The following TMEM117 variants were observed in gnomAD, a reference collection of about 807,000 sequenced individuals.
TMEM117 encodes transmembrane protein 117.
Under a neutral mutation model 52.4 loss-of-function variants are expected in TMEM117, and 27 were observed. That is an observed-to-expected ratio of 0.51 (90% confidence interval 0.38 to 0.71). The LOEUF is 0.71. Ranked by LOEUF, TMEM117 falls within the 30% of genes least tolerant of loss-of-function variation. The pLI is 0.00. For missense variants in TMEM117, 556 were observed against 630.5 expected, an observed-to-expected ratio of 0.88 and a Z score of 1.26; for synonymous variants, 215 against 206.3, an observed-to-expected ratio of 1.04 and a Z score of -0.36.
intron 3 of TMEM117, among the ~76,000 whole-genome samples, chr12:44,023,273 C>T (rs900185586): frequency 4.8e-4 from 73 of 152,240 alleles, no homozygotes; most frequent in Non-Finnish European, 7.9e-4. Context: ...TGAATAGTGC[C>T]GCAATAAACA....
chr12:44,173,428 T>C (rs998133281), intron 4 of TMEM117, among the ~76,000 whole-genome samples: 2 of 152,064 alleles, frequency 1.3e-5, no homozygotes, highest in Non-Finnish European at 2.9e-5. Flanking sequence ...ACTGAGGATA[T>C]AAAGTAAAAT....
downstream of TMEM117, among the ~76,000 whole-genome samples, chr12:44,394,100 AC>A (rs1383989795): frequency 6.6e-6 from 1 of 152,178 alleles, no homozygotes; most frequent in Non-Finnish European, 1.5e-5. Context: ...GGCTCTAGAG[AC>A]AACCATATTT....
chr12:44,311,835 A>G (rs1289648176), intron 6 of TMEM117, among the ~76,000 whole-genome samples: 1 of 122,226 alleles, frequency 8.2e-6, no homozygotes, highest in Non-Finnish European at 1.6e-5. Context: ...ATATATGTAT[A>G]TATGTATATA....
In TMEM117 at chr12:43,970,137, C is replaced by G. The variant is rs541404159; in HGVS notation, c.410+25795C>G. Among the ~76,000 whole-genome samples, 4 of 152,232 alleles carry G rather than the reference C, an allele frequency of 2.6e-5. No homozygotes were observed. The South Asian group carries it at 6.2e-4, about 24-fold the overall frequency. On this transcript the variant is annotated intron_variant, in intron 3 of 7. Coordinates refer to ENST00000266534, the MANE Select transcript of TMEM117 (RefSeq NM_032256.3). Reference sequence around the variant, plus strand: ...CATTGGATATGCAGGAGGCAGGTCTCGGTTATCACCGTCTTGGTTATCAGA... The same window carrying G: ...CATTGGATATGCAGGAGGCAGGTCTGGGTTATCACCGTCTTGGTTATCAGA...
At chr12:44,319,218 A>G (rs1487510034) in intron 6 of TMEM117, among the ~76,000 whole-genome samples, 4 of 152,210 alleles carry the variant, frequency 2.6e-5, no homozygotes, top group African/African-American at 9.6e-5. Flanking sequence ...CTGACTTTGT[A>G]TGCACCTGGA....
intron 5 of TMEM117, among the ~76,000 whole-genome samples, chr12:44,252,526 A>G (rs1950208075): frequency 6.6e-6 from 1 of 152,090 alleles, no homozygotes; most frequent in African/African-American, 2.4e-5. Context: ...ACAAACAAAC[A>G]AAAAACAAAA....
intron 3 of TMEM117, among the ~76,000 whole-genome samples, chr12:44,121,824 C>A (rs138365804): frequency 6.6e-6 from 1 of 151,880 alleles, no homozygotes; most frequent in Non-Finnish European, 1.5e-5. Flanking sequence ...GCATAGTACC[C>A]GATAGTAATT....
At chr12:44,106,609 T>G (rs747441962) in intron 3 of TMEM117, among the ~76,000 whole-genome samples, 15 of 152,040 alleles carry the variant, frequency 9.9e-5, no homozygotes, top group Admixed American at 3.3e-4. Context: ...TGTATACATA[T>G]AACATCACTT....
At chr12:44,174,608 T>C (rs1949093517) in intron 4 of TMEM117, among the ~76,000 whole-genome samples, 1 of 152,244 alleles carries the variant, frequency 6.6e-6, no homozygotes, top group Non-Finnish European at 1.5e-5. Flanking sequence ...TATTTATTTC[T>C]TCTTTTATTC....
chr12:44,319,410 G>A (rs1205177847), intron 6 of TMEM117, among the ~76,000 whole-genome samples: 1 of 152,050 alleles, frequency 6.6e-6, no homozygotes, highest in Non-Finnish European at 1.5e-5. Flanking sequence ...ACTCACAGAG[G>A]GAGGCTCTCT....
At chr12:44,051,817 A>G (rs936365808) in intron 3 of TMEM117, among the ~76,000 whole-genome samples, 1 of 152,236 alleles carries the variant, frequency 6.6e-6, no homozygotes, top group Non-Finnish European at 1.5e-5. Context: ...AATGAACTTA[A>G]GTATATAATA....
intron 3 of TMEM117, among the ~76,000 whole-genome samples, chr12:43,963,561 G>A (rs1384561448): frequency 6.6e-6 from 1 of 152,194 alleles, no homozygotes; most frequent in Non-Finnish European, 1.5e-5. Context: ...GGAAATTTCA[G>A]CTCTAGCTGT....
chr12:44,033,126 C>T (rs539317243), intron 3 of TMEM117, among the ~76,000 whole-genome samples: 2 of 152,268 alleles, frequency 1.3e-5, no homozygotes, highest in Admixed American at 6.5e-5. Context: ...AAGATGGTGA[C>T]GAGAGTGACC....
chr12:43,938,509 G>A (rs915605261), intron 2 of TMEM117, among the ~76,000 whole-genome samples: 3 of 151,970 alleles, frequency 2.0e-5, no homozygotes, highest in Non-Finnish European at 2.9e-5. Flanking sequence ...CATGTGTCTT[G>A]GGGGAGAAAG....
intron 2 of TMEM117, among the ~76,000 whole-genome samples, chr12:43,932,351 T>C (rs1272862924): frequency 1.3e-5 from 2 of 151,748 alleles, no homozygotes; most frequent in East Asian, 3.8e-4. Context: ...TTTTTTTTTT[T>C]TTCAGAACTG....
At chr12:44,047,466 T>A (rs1425428703) in intron 3 of TMEM117, among the ~76,000 whole-genome samples, 1 of 152,192 alleles carries the variant, frequency 6.6e-6, no homozygotes, top group Non-Finnish European at 1.5e-5. Context: ...ACCACACAGA[T>A]CCTGTGAATT....
chr12:43,910,062 T>C (rs1487499185), intron 2 of TMEM117, among the ~76,000 whole-genome samples: 1 of 119,854 alleles, frequency 8.3e-6, no homozygotes, highest in African/African-American at 2.9e-5. Flanking sequence ...TTTAGACCAA[T>C]ATCCTTGATG....
chr12:43,840,912 T>A (rs1333892601), intron 1 of TMEM117, among the ~76,000 whole-genome samples: 2 of 152,214 alleles, frequency 1.3e-5, no homozygotes, highest in South Asian at 4.1e-4. Context: ...TCATACTGAT[T>A]GTAAAGATGT....
At chr12:44,355,971 G>A (rs1017894457) in intron 6 of TMEM117, among the ~76,000 whole-genome samples, 2 of 152,010 alleles carry the variant, frequency 1.3e-5, no homozygotes, top group Non-Finnish European at 2.9e-5. Context: ...CTTCCAAGCA[G>A]GTTCATGGAC....
Sources: gnomAD v4.1 joint callset for allele counts (sites outside exome capture counted in the v4.1 genomes callset) on GRCh38, gnomAD v4.1.1 for gene constraint, MANE v1.5 for transcripts, NCBI Gene and HGNC (gene_info 2026-07-23, HGNC 2026-07-21) for gene names.